MYO6: variants seen among roughly 807,000 people sequenced by gnomAD.
The protein encoded by MYO6 is myosin VI.
Under a neutral mutation model 178.7 loss-of-function variants are expected in MYO6, and 74 were observed. That is an observed-to-expected ratio of 0.41 (90% CI 0.34 to 0.50). MYO6 has a LOEUF of 0.50. MYO6 is among the 20% of genes least tolerant of loss of function. MYO6 has a pLI of 0.09. For synonymous variants in MYO6, 477 were observed against 504.6 expected (o/e 0.95, Z 0.73); for missense variants, 1,330 against 1,547.4 (o/e 0.86, Z 2.36).
At chr6:75,880,959 A>G (rs1368919434) in intron 22 of MYO6, among the ~76,000 whole-genome samples, 1 of 152,230 alleles carries the variant, frequency 6.6e-6, no homozygotes, top group East Asian at 1.9e-4. Context: ...TCTGTTTAAA[A>G]TGGAAATGGG....
intron 1 of MYO6, among the ~76,000 whole-genome samples, chr6:75,754,837 A>G (rs1357745361): frequency 6.6e-6 from 1 of 152,218 alleles, no homozygotes; most frequent in Non-Finnish European, 1.5e-5. Context: ...TTATTGCTTT[A>G]AAATATTTTT....
chr6:75,761,815 G>A (rs1777977203), intron 1 of MYO6, among the ~76,000 whole-genome samples: 1 of 150,826 alleles, frequency 6.6e-6, no homozygotes, highest in Admixed American at 6.6e-5. Context: ...AACAGAGTAG[G>A]TCAGCATGAT....
chr6:75,804,384 C>T (rs541362148), intron 1 of MYO6, among the ~76,000 whole-genome samples: 11 of 152,178 alleles, frequency 7.2e-5, no homozygotes, highest in African/African-American at 1.7e-4. Context: ...GAGGAGTTGC[C>T]GGTTTAAAAC....
intron 12 of MYO6, among the ~76,000 whole-genome samples, chr6:75,856,856 A>T (rs1281185208): frequency 6.6e-6 from 1 of 152,130 alleles, no homozygotes; most frequent in African/African-American, 2.4e-5. Flanking sequence ...TAAGGTCAAA[A>T]TGATTTTTTA....
At chr6:75,849,033 C>T (rs1775004886) in intron 11 of MYO6, among the ~76,000 whole-genome samples, 1 of 152,094 alleles carries the variant, frequency 6.6e-6, no homozygotes, top group African/African-American at 2.4e-5. Context: ...ATGGCAAAAG[C>T]AACTTTTCAA....
At chr6:75,851,926 T>C (rs577226452) in intron 11 of MYO6, among the ~76,000 whole-genome samples, 1 of 152,248 alleles carries the variant, frequency 6.6e-6, no homozygotes, top group Admixed American at 6.5e-5. Flanking sequence ...ATAAAGAAGT[T>C]TTTGCATGAT....
intron 11 of MYO6, among the ~76,000 whole-genome samples, chr6:75,852,596 C>T (rs766456586): frequency 2.0e-5 from 3 of 152,096 alleles, no homozygotes; most frequent in Non-Finnish European, 2.9e-5. Flanking sequence ...TGGAATCATA[C>T]AATATGTGGT....
At chr6:75,867,416 T>TCCTTCC (rs921362667) in intron 18 of MYO6, 5 of 262,960 alleles carry the variant, frequency 1.9e-5, no homozygotes, top group African/African-American at 1.1e-4. Flanking sequence ...GTTTTCTGTT[T>TCCTTCC]CCTTCCTCAT....
At chr6:75,875,041 T>G (rs905723460) in intron 20 of MYO6, among the ~76,000 whole-genome samples, 1 of 152,202 alleles carries the variant, frequency 6.6e-6, no homozygotes, top group African/African-American at 2.4e-5. Context: ...CATTCCTGAT[T>G]CCCCTGCAGG....
intron 5 of MYO6, among the ~76,000 whole-genome samples, chr6:75,832,011 TG>T (rs1773149352): frequency 6.6e-6 from 1 of 152,194 alleles, no homozygotes; most frequent in Non-Finnish European, 1.5e-5. Context: ...TCTTGGCACA[TG>T]TCTGAGGTGA....
chr6:75,853,743 A>G (rs1775490651), intron 11 of MYO6, among the ~76,000 whole-genome samples: 2 of 152,134 alleles, frequency 1.3e-5, no homozygotes, highest in South Asian at 4.1e-4. Context: ...GTAGTTTTTA[A>G]TTAGGTAGTC....
At position 75,879,866 on chromosome 6, in the gene MYO6, A is replaced by G; in HGVS notation, c.2124A>G (p.Arg708=). Residue 708 remains arginine, a synonymous_variant, in exon 21 of 35, where the codon CGA becomes CGG. Coordinates refer to ENST00000369977, the MANE Select transcript of MYO6 (RefSeq NM_004999.4). The part of the protein sequence containing the change: ...LDLMQGGYPS[R]ASFHELYNMY... ...TGATGCAGGGTGGTTACCCATCACG[A>G]GCTTCATTTCATGAACTCTACAACA... 4 of 1,614,148 alleles carry G rather than the reference A, an allele frequency of 2.5e-6. No homozygotes were observed. The highest frequency in any genetic ancestry group is 3.4e-6 in the Non-Finnish European group (4 of 1,180,030).
chr6:75,900,777 C>T (rs1049401904), intron 30 of MYO6, among the ~76,000 whole-genome samples: 4 of 151,420 alleles, frequency 2.6e-5, no homozygotes, highest in Admixed American at 2.0e-4. Flanking sequence ...GTTGCCATTG[C>T]TTTTGGTGTT....
chr6:75,844,822 G>A (rs1774572794), intron 9 of MYO6, 75 bp from the exon 10 acceptor site: 1 of 1,194,014 alleles, frequency 8.4e-7, no homozygotes, highest in Non-Finnish European at 1.2e-6. Flanking sequence ...GCACTATTTG[G>A]TAAGTTGTGT....
intron 5 of MYO6, among the ~76,000 whole-genome samples, chr6:75,831,472 C>T (rs192328825): frequency 6.6e-5 from 10 of 152,290 alleles, no homozygotes; most frequent in African/African-American, 1.9e-4. Flanking sequence ...GCCTGCAAAA[C>T]GGTGCCCCAT....
At chr6:75,821,899 A>AAAATAAATATAAAAT in intron 2 of MYO6, among the ~76,000 whole-genome samples, 1 of 151,308 alleles carries the variant, frequency 6.6e-6, no homozygotes, top group Non-Finnish European at 1.5e-5. Flanking sequence ...TTTAAGTGAT[A>AAAATAAATATAAAAT]AAATAAATAT....
intron 1 of MYO6, among the ~76,000 whole-genome samples, chr6:75,800,366 C>T (rs1000840844): frequency 2.6e-5 from 4 of 152,080 alleles, no homozygotes; most frequent in Non-Finnish European, 4.4e-5. Flanking sequence ...TCTCAAGGGC[C>T]TTCAGTTACA....
At chr6:75,869,838 G>A (rs1291536919) in intron 18 of MYO6, among the ~76,000 whole-genome samples, 1 of 152,186 alleles carries the variant, frequency 6.6e-6, no homozygotes, top group Non-Finnish European at 1.5e-5. Context: ...AAGAGGCAGG[G>A]TGCGGTGGCT....
At chr6:75,844,854 G>T (rs1177278997) in intron 9 of MYO6, 43 bp from the exon 10 acceptor site, 6 of 1,480,060 alleles carry the variant, frequency 4.1e-6, no homozygotes, top group Non-Finnish European at 5.7e-6. Context: ...TTATTTCCCT[G>T]TGGATCATAT....
Sources: allele counts gnomAD v4.1 joint callset (sites outside exome capture counted in the v4.1 genomes callset), GRCh38; gene constraint gnomAD v4.1.1; transcripts MANE v1.5; gene names NCBI Gene and HGNC (gene_info 2026-07-23, HGNC 2026-07-21).